The following WBP1L variants were observed in gnomAD, a reference collection of about 807,000 sequenced individuals.
WBP1L encodes WW domain binding protein 1 like, also known as WW domain binding protein 1-like.
In WBP1L, 17 loss-of-function variants were observed where a neutral mutation model predicts 33.7. The ratio of observed to expected loss-of-function variants is 0.50; its 90% CI spans 0.34 to 0.76. The LOEUF (loss-of-function observed/expected upper bound fraction) is 0.76. Among genes scored for constraint, WBP1L ranks in the 30% least tolerant of loss-of-function variants. The pLI is 0.01. For missense variants in WBP1L, 389 were observed against 469.4 expected, an observed-to-expected ratio of 0.83 and a Z score of 1.58; for synonymous variants, 173 against 190.8, an observed-to-expected ratio of 0.91 and a Z score of 0.77.
chr10:102,803,431 T>C (rs2134062881), intron 2 of WBP1L, among the ~76,000 whole-genome samples: 1 of 152,314 alleles, frequency 6.6e-6, no homozygotes, highest in East Asian at 1.9e-4. Context: ...TACACTGGAC[T>C]GTGATTGTTT....
At chr10:102,765,513 CA>C (rs1410302760) in intron 1 of WBP1L, among the ~76,000 whole-genome samples, 1 of 152,170 alleles carries the variant, frequency 6.6e-6, no homozygotes, top group African/African-American at 2.4e-5. Context: ...GCATTACAGG[CA>C]TGTGCCACCA....
intron 1 of WBP1L, among the ~76,000 whole-genome samples, chr10:102,796,821 G>T (rs1391176823): frequency 2.0e-5 from 3 of 152,208 alleles, no homozygotes; most frequent in East Asian, 1.9e-4. Flanking sequence ...TGCCTTACAG[G>T]TTTCGTCATC....
At chr10:102,809,701 A>G (rs1843800317) in intron 2 of WBP1L, among the ~76,000 whole-genome samples, 192 bp from the exon 3 acceptor site, 2 of 152,118 alleles carry the variant, frequency 1.3e-5, no homozygotes, top group Admixed American at 6.5e-5. Flanking sequence ...CTTCTATCCC[A>G]TGTGTCTTTC....
At chr10:102,756,064 T>G (rs1200772538) in intron 1 of WBP1L, among the ~76,000 whole-genome samples, 1 of 151,572 alleles carries the variant, frequency 6.6e-6, no homozygotes, top group Non-Finnish European at 1.5e-5. Flanking sequence ...ATATAGTCTA[T>G]ATATAGAGAA....
At position 102,805,149 on chromosome 10, in the gene WBP1L, G is replaced by A. The variant is rs1482875641; in HGVS notation, c.194-4744G>A. 5.3e-5 allele frequency among the ~76,000 whole-genome samples: 8 copies of A among 152,180 alleles called. No individual in the cohort carries two copies. The East Asian group carries it at 1.6e-3, about 30-fold the overall frequency. On this transcript the variant is annotated intron_variant, in intron 2 of 3. Transcript: ENST00000448841. ...CAAAAAATTTAAAAATTAGCCAGGT[G>A]TGGTGTGCACCTGTAGTCCTAGCTA...
rs1843870319 is a variant in WBP1L at position 102,813,062 on chromosome 10, G to A, written c.823G>A (p.Val275Met). 3 of 1,613,770 alleles carry A rather than the reference G, an allele frequency of 1.9e-6. No homozygotes were observed. The highest frequency in any genetic ancestry group is 2.5e-6 in the Non-Finnish European group (3 of 1,180,028). Residue 275 changes from valine (V) to methionine (M), a missense_variant, in exon 4 of 4, where the codon GTG (valine) becomes ATG (methionine). Coordinates refer to ENST00000448841, the MANE Select transcript of WBP1L (RefSeq NM_001083913.2). ...RRFTGDSGIE[V>M]CVCNRGHHDD... ...CTTCACAGGTGACTCGGGCATTGAAGTGTGTGTGTGCAACCGGGGCCACCA... is the reference window on the plus strand; with the variant it reads ...CTTCACAGGTGACTCGGGCATTGAAATGTGTGTGTGCAACCGGGGCCACCA...
chr10:102,795,322 A>T (rs969883224), intron 1 of WBP1L, among the ~76,000 whole-genome samples: 3 of 152,264 alleles, frequency 2.0e-5, no homozygotes, highest in African/African-American at 7.2e-5. Flanking sequence ...TTTTCAATTT[A>T]TGATGGGTTT....
intron 1 of WBP1L, among the ~76,000 whole-genome samples, chr10:102,777,686 T>A (rs1379252100): frequency 6.9e-6 from 1 of 144,458 alleles, no homozygotes; most frequent in East Asian, 2.3e-4. Flanking sequence ...TGCCTCAGCC[T>A]CCTGAGTAGC....
At chr10:102,744,551 G>T in intron 1 of WBP1L, 1 of 920,148 alleles carries the variant, frequency 1.1e-6, no homozygotes, top group South Asian at 5.0e-5. Flanking sequence ...TGAGGGAGGG[G>T]ATCCTGAGGA....
Position 102,746,113 on chromosome 10 carries a change from C to CAAAGATAGGAACTAGATCCCCG in WBP1L, c.90+1970_90+1971insAAAGATAGGAACTAGATCCCCG, listed in dbSNP as rs1842861532. 4.1e-6 allele frequency: 4 copies of CAAAGATAGGAACTAGATCCCCG among 984,938 alleles called. No individual in the cohort carries two copies. The Admixed American group carries it at 2.5e-4, about 61-fold the overall frequency. The allele number at this position is 984,938 out of a possible 1,614,324, so 61.0% of individuals were successfully genotyped here. A position where few individuals can be genotyped will look rare whatever the true frequency, so the allele number is the denominator to read the frequency against. On this transcript the variant is annotated intron_variant, in intron 1 of 3. Coordinates refer to ENST00000448841, the MANE Select transcript of WBP1L (RefSeq NM_001083913.2). ...TGGTCAAAGATAGGAACTAGATCCA[C>CAAAGATAGGAACTAGATCCCCG]TTTTTCAGCAACGGGGATGATGGAA...
intron 2 of WBP1L, among the ~76,000 whole-genome samples, chr10:102,801,317 C>A (rs1006218609): frequency 1.3e-5 from 2 of 152,170 alleles, no homozygotes; most frequent in African/African-American, 4.8e-5. Flanking sequence ...ATTCAGCAAA[C>A]CCTTATTCCA....
At chr10:102,787,712 C>T (rs1265738860) in intron 1 of WBP1L, among the ~76,000 whole-genome samples, 1 of 152,162 alleles carries the variant, frequency 6.6e-6, no homozygotes, top group African/African-American at 2.4e-5. Context: ...CTGTACTCTC[C>T]TTCTACCCAA....
rs374241436 is a variant in WBP1L at position 102,798,109 on chromosome 10, T to A, written c.193+14T>A. On this transcript the variant is annotated intron_variant, in intron 2 of 3. Coordinates refer to ENST00000448841, the MANE Select transcript of WBP1L (RefSeq NM_001083913.2). The stretch of plus-strand genomic sequence containing the variant: ...ATGAACTCTGGTGTAAGTCCTTGCT[T>A]GGGTGCCTCTCAGTATCCCAGGGTC... The A allele has an allele frequency of 6.2e-6, 10 of 1,611,158 alleles. No homozygotes were observed. Among genetic ancestry groups the A allele is most frequent in the African/African-American group, 2.7e-5 (2 of 74,828 alleles).
At chr10:102,798,598 T>A (rs541310103) in intron 2 of WBP1L, among the ~76,000 whole-genome samples, 12 of 152,192 alleles carry the variant, frequency 7.9e-5, no homozygotes, top group Non-Finnish European at 1.8e-4. Context: ...CTAATTTTTG[T>A]ATTTTTAGGA....
In WBP1L at chr10:102,751,028, T is replaced by C. The variant is rs377459306; in HGVS notation, c.90+6885T>C. The stretch of plus-strand genomic sequence containing the variant: ...TTTCCTTTCTTTTTTTGAGACAGAG[T>C]CTCACTCTGTCACCCAGGCTGGAGT... On this transcript the variant is annotated intron_variant, in intron 1 of 3. Coordinates refer to ENST00000448841, the MANE Select transcript of WBP1L (RefSeq NM_001083913.2). Among the ~76,000 whole-genome samples the C allele has an allele frequency of 2.6e-5, 4 of 152,094 alleles. No homozygotes were observed. The East Asian group carries it at 5.8e-4, about 22-fold the overall frequency.
Position 102,791,147 on chromosome 10 carries a change from G to T in WBP1L, c.91-6846G>T, listed in dbSNP as rs1452427249. Among the ~76,000 whole-genome samples, 3 of 152,226 alleles carry T rather than the reference G, an allele frequency of 2.0e-5. No homozygotes were observed. In the East Asian group the frequency reaches 5.8e-4, roughly 29 times the overall value. On this transcript the variant is annotated intron_variant, in intron 1 of 3. Transcript: ENST00000448841. Reference sequence around the variant, plus strand: ...AGTTCCAATTCCCTGTTTCAGGTGGGCCCAAGATCAACAAACTACCCCACT... The same window carrying T: ...AGTTCCAATTCCCTGTTTCAGGTGGTCCCAAGATCAACAAACTACCCCACT...
At chr10:102,762,677 G>T (rs1376630077) in intron 1 of WBP1L, among the ~76,000 whole-genome samples, 1 of 152,194 alleles carries the variant, frequency 6.6e-6, no homozygotes, top group Non-Finnish European at 1.5e-5. Context: ...AATTTTTAGT[G>T]AAGAGAGAAT....
intron 1 of WBP1L, among the ~76,000 whole-genome samples, chr10:102,795,225 G>A (rs1843557603): frequency 6.6e-6 from 1 of 152,218 alleles, no homozygotes; most frequent in Admixed American, 6.5e-5. Flanking sequence ...ATAGGCTGAT[G>A]TAAGTTCCGA....
intron 1 of WBP1L, among the ~76,000 whole-genome samples, chr10:102,754,988 C>T (rs538216108): frequency 4.7e-5 from 7 of 150,210 alleles, no homozygotes; most frequent in Admixed American, 1.3e-4. Context: ...CTCGCTCTGT[C>T]GCCCAGGCTG....
Sources: allele counts gnomAD v4.1 joint callset (sites outside exome capture counted in the v4.1 genomes callset), GRCh38; gene constraint gnomAD v4.1.1; transcripts MANE v1.5; gene names NCBI Gene and HGNC (gene_info 2026-07-23, HGNC 2026-07-21).